CTNND2: variants seen among roughly 807,000 people sequenced by gnomAD.
CTNND2 encodes the protein catenin delta-2.
In CTNND2, 22 loss-of-function variants were observed where a neutral mutation model predicts 144.4. The ratio of observed to expected loss-of-function variants is 0.15; its 90% CI spans 0.11 to 0.22. CTNND2 has a LOEUF of 0.22. Among genes scored for constraint, CTNND2 ranks in the 10% least tolerant of loss-of-function variants. The pLI is 1.00. For missense variants in CTNND2, 1,353 were observed against 1,618.8 expected, an observed-to-expected ratio of 0.84 and a Z score of 2.82; for synonymous variants, 751 against 695.6, an observed-to-expected ratio of 1.08 and a Z score of -1.25.
intron 12 of CTNND2, among the ~76,000 whole-genome samples, chr5:11,152,489 G>T (rs1205413339): frequency 6.6e-6 from 1 of 152,180 alleles, no homozygotes; most frequent in Non-Finnish European, 1.5e-5. Flanking sequence ...GCGCCCTATG[G>T]TGTTTACGGC....
intron 9 of CTNND2, among the ~76,000 whole-genome samples, chr5:11,315,306 A>G (rs538563774): frequency 1.3e-5 from 2 of 152,346 alleles, no homozygotes; most frequent in South Asian, 4.1e-4. Flanking sequence ...AAGGTGATAC[A>G]GTCTTAGAGA....
chr5:11,357,195 T>C lies in CTNND2; in HGVS notation c.1372+7501A>G, dbSNP rs80135835. On this transcript the variant is annotated intron_variant, in intron 8 of 21. Transcript: ENST00000304623. ...TCCTAGGTATATACCCAAAGAAAAT[T>C]AAATCAGCATGTTAAAGAGATACCT... 3.7e-4 allele frequency among the ~76,000 whole-genome samples: 56 copies of C among 152,152 alleles called. 2 individuals are homozygous for C. The East Asian group carries it at 0.01, about 28-fold the overall frequency.
chr5:11,861,725 A>G (rs942707970), intron 1 of CTNND2, among the ~76,000 whole-genome samples: 5 of 152,230 alleles, frequency 3.3e-5, no homozygotes, highest in Admixed American at 1.3e-4. Flanking sequence ...GGGCCCTCAC[A>G]GTGGCCTACA....
At position 11,541,883 on chromosome 5, in the gene CTNND2, T is replaced by C. The variant is rs1340233251; in HGVS notation, c.287+23061A>G. Among the ~76,000 whole-genome samples, 5 of 143,108 alleles carry C rather than the reference T, an allele frequency of 3.5e-5. No individual in the cohort carries two copies. In the East Asian group the frequency reaches 1.1e-3, roughly 31 times the overall value. 93.9% of individuals were successfully genotyped at this position (143,108 alleles called of 152,430 possible). On this transcript the variant is annotated intron_variant, in intron 3 of 21. Coordinates refer to ENST00000304623, the MANE Select transcript of CTNND2 (RefSeq NM_001332.4). ...AGCCTTTTCCAACTTTTATTCCTAA[T>C]TGCTTCCCTCACCCCAAGCAACTTT...
Position 11,308,642 on chromosome 5 carries a change from T to C in CTNND2, c.1628+37730A>G, listed in dbSNP as rs190388922. The stretch of plus-strand genomic sequence containing the variant: ...ATTGTTTAAATGTGTTTTGGTTTGA[T>C]TTTTTATTTTTAAACATAAACTTAC... On this transcript the variant is annotated intron_variant, in intron 9 of 21. Coordinates refer to ENST00000304623, the MANE Select transcript of CTNND2 (RefSeq NM_001332.4). Among the ~76,000 whole-genome samples the C allele has an allele frequency of 2.0e-3, 307 of 152,330 alleles. 3 individuals are homozygous for C. Among genetic ancestry groups the C allele is most frequent in the African/African-American group, 7.1e-3 (297 of 41,568 alleles).
chr5:11,031,228 A>G (rs1743441808), intron 16 of CTNND2, among the ~76,000 whole-genome samples: 1 of 152,208 alleles, frequency 6.6e-6, no homozygotes, highest in East Asian at 1.9e-4. Context: ...ATGTGCAACA[A>G]TGGCTGCTTG....
intron 20 of CTNND2, among the ~76,000 whole-genome samples, chr5:10,987,043 C>T (rs978623708): frequency 6.7e-6 from 1 of 149,880 alleles, no homozygotes; most frequent in Non-Finnish European, 1.5e-5. Flanking sequence ...TCTAACATGG[C>T]CTTGTTCTAT....
chr5:11,404,452 T>C (rs961124035), intron 5 of CTNND2, among the ~76,000 whole-genome samples: 1 of 152,056 alleles, frequency 6.6e-6, no homozygotes. Context: ...AAGTGGTTAA[T>C]ACATACATTT....
chr5:11,138,791 G>C (rs1203744195), intron 12 of CTNND2, among the ~76,000 whole-genome samples: 1 of 152,116 alleles, frequency 6.6e-6, no homozygotes, highest in Non-Finnish European at 1.5e-5. Context: ...TATAATTTAG[G>C]TCATGAGAGC....
At chr5:11,724,202 G>A (rs1786872687) in intron 2 of CTNND2, among the ~76,000 whole-genome samples, 1 of 152,124 alleles carries the variant, frequency 6.6e-6, no homozygotes, top group African/African-American at 2.4e-5. Flanking sequence ...AAACAAACCA[G>A]TAAAGCTCCT....
intron 1 of CTNND2, among the ~76,000 whole-genome samples, chr5:11,893,381 T>C (rs1217039977): frequency 6.6e-6 from 1 of 152,124 alleles, no homozygotes; most frequent in Admixed American, 6.5e-5. Context: ...GCGCTGGAGG[T>C]ATATACATCC....
At chr5:11,170,335 A>G (rs1759772563) in intron 11 of CTNND2, among the ~76,000 whole-genome samples, 1 of 152,198 alleles carries the variant, frequency 6.6e-6, no homozygotes, top group African/African-American at 2.4e-5. Flanking sequence ...AGCTTGAGAA[A>G]TTTAAAGAAG....
At chr5:11,186,904 C>T (rs1735685572) in intron 11 of CTNND2, among the ~76,000 whole-genome samples, 1 of 152,180 alleles carries the variant, frequency 6.6e-6, no homozygotes, top group Non-Finnish European at 1.5e-5. Flanking sequence ...TTACATCCAA[C>T]CTCACAGGAC....
chr5:11,419,241 GTTA>G (rs1476730224), intron 3 of CTNND2, among the ~76,000 whole-genome samples: 4 of 151,904 alleles, frequency 2.6e-5, no homozygotes, highest in African/African-American at 9.7e-5. Context: ...ATGACCTGAA[GTTA>G]TTATGACAAA....
chr5:11,245,073 T>A (rs1318503979), intron 9 of CTNND2, among the ~76,000 whole-genome samples: 1 of 152,182 alleles, frequency 6.6e-6, no homozygotes, highest in African/African-American at 2.4e-5. Flanking sequence ...CATGCCTGAT[T>A]TGCATCAAAT....
At chr5:11,349,731 A>G (rs2149745288) in intron 8 of CTNND2, among the ~76,000 whole-genome samples, 1 of 152,344 alleles carries the variant, frequency 6.6e-6, no homozygotes, top group South Asian at 2.1e-4. Context: ...ACTAATTTAC[A>G]CTATTTCTCA....
intron 9 of CTNND2, among the ~76,000 whole-genome samples, chr5:11,268,374 A>G (rs1376386439): frequency 1.3e-5 from 2 of 152,144 alleles, no homozygotes; most frequent in Admixed American, 1.3e-4. Context: ...CTTGAGGCCA[A>G]GAGTTCAAGA....
intron 1 of CTNND2, among the ~76,000 whole-genome samples, chr5:11,834,298 T>G (rs952422951): frequency 6.6e-6 from 1 of 152,238 alleles, no homozygotes; most frequent in Non-Finnish European, 1.5e-5. Flanking sequence ...TCTACCCATT[T>G]ATCCAAGACA....
intron 1 of CTNND2, among the ~76,000 whole-genome samples, chr5:11,829,254 C>A (rs540576231): frequency 9.2e-5 from 14 of 152,138 alleles, no homozygotes; most frequent in Non-Finnish European, 1.6e-4. Flanking sequence ...AAGCTTCTGG[C>A]AGAAATTTAT....
Sources: allele counts gnomAD v4.1 joint callset (sites outside exome capture counted in the v4.1 genomes callset), GRCh38; gene constraint gnomAD v4.1.1; transcripts MANE v1.5; gene names NCBI Gene and HGNC (gene_info 2026-07-23, HGNC 2026-07-21).